KCNQ3: variants seen among roughly 807,000 people sequenced by gnomAD.
KCNQ3 encodes the protein potassium voltage-gated channel subfamily Q member 3, also known as potassium voltage-gated channel subfamily KQT member 3.
KCNQ3 carries 30 observed loss-of-function variants against 92.5 expected under a neutral mutation model. The ratio of observed to expected loss-of-function variants is 0.32; its 90% confidence interval spans 0.24 to 0.44. KCNQ3 has a LOEUF of 0.44. KCNQ3 is among the 20% of genes least tolerant of loss of function. The pLI is 1.00. For missense variants in KCNQ3, 913 were observed against 1,140.3 expected (o/e 0.80, Z 2.87); for synonymous variants, 450 against 468.8 (o/e 0.96, Z 0.52).
chr8:132,303,604 GTGTATATA>G (rs1563849776), intron 1 of KCNQ3, among the ~76,000 whole-genome samples: 1 of 20,112 alleles, frequency 5.0e-5, no homozygotes, highest in African/African-American at 3.0e-4. Flanking sequence ...TATATATGGT[GTGTATATA>G]TATATATATA....
chr8:132,384,948 G>A (rs1159690748), intron 1 of KCNQ3, among the ~76,000 whole-genome samples: 1 of 152,226 alleles, frequency 6.6e-6, no homozygotes, highest in Non-Finnish European at 1.5e-5. Flanking sequence ...GGTTGCAGTA[G>A]ATGCTGTGCT....
At chr8:132,186,942 GAGAGAGAGAGAGAC>G (rs59241294) in intron 1 of KCNQ3, among the ~76,000 whole-genome samples, 6,767 of 121,952 alleles carry the variant, frequency 0.055, 196 homozygotes, top group African/African-American at 0.077. Flanking sequence ...GTGAGAGAGA[GAGAGAGAGAGAGAC>G]AGAGAGAGAG....
chr8:132,155,974 TGAACTC>T (rs1825786224), intron 9 of KCNQ3, among the ~76,000 whole-genome samples: 1 of 152,148 alleles, frequency 6.6e-6, no homozygotes. Context: ...TTAGTTCTGC[TGAACTC>T]GAAGGCCTGT....
intron 1 of KCNQ3, chr8:132,277,843 A>G (rs1390061213): frequency 3.1e-6 from 2 of 648,630 alleles, no homozygotes; most frequent in African/African-American, 4.0e-5. Flanking sequence ...CTTGCTCTCT[A>G]GAAACCAGGT....
chr8:132,265,399 C>T (rs1815948571), intron 1 of KCNQ3, among the ~76,000 whole-genome samples: 1 of 152,204 alleles, frequency 6.6e-6, no homozygotes, highest in Non-Finnish European at 1.5e-5. Context: ...AAGAGTCTAC[C>T]CATCACTTCC....
chr8:132,376,672 C>T (rs1016210114), intron 1 of KCNQ3, among the ~76,000 whole-genome samples: 2 of 152,230 alleles, frequency 1.3e-5, no homozygotes, highest in African/African-American at 4.8e-5. Context: ...TTGTAACTCA[C>T]ATTTGCATAT....
rs528459317 is a variant in KCNQ3, at chr8:132,399,914, A to T, written c.386+80233T>A. Among the ~76,000 whole-genome samples, 9 of 152,238 alleles carry T rather than the reference A, an allele frequency of 5.9e-5. No individual in the cohort carries two copies. The South Asian group carries it at 1.9e-3, about 32-fold the overall frequency. On this transcript the variant is annotated intron_variant, in intron 1 of 14. Coordinates refer to ENST00000388996, the MANE Select transcript of KCNQ3 (RefSeq NM_004519.4). ...GGAGTTAAGAAAGGCTTCTGAGTCT[A>T]CTCAGCTCTGTGAATGAGCTAATTG...
chr8:132,122,426 C>A lies in KCNQ3; in HGVS notation c.*6836G>T, dbSNP rs1267528291. ...TTACTCTTAGGTATCAAATTGCAGT[C>A]CATTCGACAAGTCTAAGAGGAATTA... On this transcript the variant is annotated 3_prime_UTR_variant, in exon 15 of 15. Transcript: ENST00000388996. 6.6e-6 allele frequency: 1 copy of A among 152,172 alleles called. No individual in the cohort carries two copies. The highest frequency in any genetic ancestry group is 1.5e-5 in the Non-Finnish European group (1 of 68,030). The allele number at this position is 152,172 out of a possible 1,614,324, so 9.4% of individuals were successfully genotyped here.
chr8:132,315,674 T>A (rs1382084465), intron 1 of KCNQ3, among the ~76,000 whole-genome samples: 3 of 152,226 alleles, frequency 2.0e-5, no homozygotes, highest in African/African-American at 7.2e-5. Flanking sequence ...CATCCCAGTT[T>A]CTGTTTGTTT....
chr8:132,427,203 C>G (rs1467086969), intron 1 of KCNQ3, among the ~76,000 whole-genome samples: 1 of 152,228 alleles, frequency 6.6e-6, no homozygotes, highest in Non-Finnish European at 1.5e-5. Flanking sequence ...TGGGCCAAGA[C>G]AGCAGGCTGA....
chr8:132,183,983 T>C (rs538125299), intron 3 of KCNQ3, among the ~76,000 whole-genome samples: 3 of 152,192 alleles, frequency 2.0e-5, no homozygotes, highest in Admixed American at 6.5e-5. Flanking sequence ...CACAACCCAA[T>C]TGCCAAGAGT....
intron 1 of KCNQ3, among the ~76,000 whole-genome samples, chr8:132,279,328 TA>T (rs1816441329): frequency 6.6e-6 from 1 of 152,208 alleles, no homozygotes; most frequent in Non-Finnish European, 1.5e-5. Flanking sequence ...TAGGTGATTT[TA>T]CCGTGCAGCA....
At chr8:132,440,259 A>G (rs1332816650) in intron 1 of KCNQ3, among the ~76,000 whole-genome samples, 2 of 152,186 alleles carry the variant, frequency 1.3e-5, no homozygotes, top group Non-Finnish European at 2.9e-5. Flanking sequence ...TCTCTGCTCA[A>G]AGTCATCTTA....
intron 1 of KCNQ3, among the ~76,000 whole-genome samples, chr8:132,442,412 T>C (rs1054112790): frequency 6.6e-6 from 1 of 152,152 alleles, no homozygotes. Context: ...TTGATCAATG[T>C]CTGTCTCCCC....
At chr8:132,306,579 A>G (rs960456287) in intron 1 of KCNQ3, among the ~76,000 whole-genome samples, 2 of 152,252 alleles carry the variant, frequency 1.3e-5, no homozygotes, top group African/African-American at 4.8e-5. Flanking sequence ...GGTGTAGCAC[A>G]GCTAAATTGC....
At chr8:132,378,725 C>T (rs1214670330) in intron 1 of KCNQ3, among the ~76,000 whole-genome samples, 6 of 152,158 alleles carry the variant, frequency 3.9e-5, no homozygotes, top group Non-Finnish European at 7.4e-5. Context: ...AAGTCTCACT[C>T]GTTCCATTCT....
intron 1 of KCNQ3, among the ~76,000 whole-genome samples, chr8:132,218,598 T>C (rs1478302203): frequency 6.6e-6 from 1 of 152,186 alleles, no homozygotes; most frequent in East Asian, 1.9e-4. Context: ...TATCCCCATT[T>C]TACAGGTGAG....
chr8:132,141,643 CT>C, intron 9 of KCNQ3, among the ~76,000 whole-genome samples: 1 of 152,210 alleles, frequency 6.6e-6, no homozygotes, highest in East Asian at 1.9e-4. Context: ...AGAGATTCAT[CT>C]TTCCCCATGC....
At chr8:132,163,688 C>T (rs567441473) in intron 8 of KCNQ3, among the ~76,000 whole-genome samples, 194 bp from the exon 9 acceptor site, 4 of 152,306 alleles carry the variant, frequency 2.6e-5, no homozygotes, top group South Asian at 2.1e-4. Context: ...ATGCTACTCC[C>T]GTTGGCTCTG....
Sources: gnomAD v4.1 joint callset for allele counts (sites outside exome capture counted in the v4.1 genomes callset) on GRCh38, gnomAD v4.1.1 for gene constraint, MANE v1.5 for transcripts, NCBI Gene and HGNC (gene_info 2026-07-23, HGNC 2026-07-21) for gene names.